Variants in TMEM98 observed in about 807,000 individuals in gnomAD.
TMEM98 encodes transmembrane protein 98.
Under a neutral mutation model 25.0 loss-of-function variants are expected in TMEM98, and 18 were observed. The ratio of observed to expected loss-of-function variants is 0.72; its 90% CI spans 0.50 to 1.07. The LOEUF (loss-of-function observed/expected upper bound fraction) is 1.07. TMEM98 is among the 50% of genes least tolerant of loss of function. TMEM98 has a pLI of 0.00. For missense variants in TMEM98, 241 were observed against 289.0 expected (o/e 0.83, Z 1.20); for synonymous variants, 103 against 112.4 (o/e 0.92, Z 0.53).
chr17:32,935,006 A>T (rs1486483561), intron 5 of TMEM98, among the ~76,000 whole-genome samples: 1 of 152,030 alleles, frequency 6.6e-6, no homozygotes, highest in African/African-American at 2.4e-5. Context: ...AGTTGCAAAT[A>T]TCAGGGTTTT....
At chr17:32,934,472 T>C (rs9915765) in intron 5 of TMEM98, 148 bp downstream of exon 5, 68,704 of 788,570 alleles carry the variant, frequency 0.087, 3,417 homozygotes, top group Non-Finnish European at 0.092. Context: ...TGTGGTTTAC[T>C]TCCCCCCCTG....
In TMEM98 at chr17:32,936,313, C is replaced by T. The variant is rs371227433; in HGVS notation, c.298-19C>T. The T allele has an allele frequency of 2.1e-5, 33 of 1,607,210 alleles. No homozygotes were observed. In the African/African-American group the frequency reaches 2.9e-4, roughly 14 times the overall value. ...TGGAGCCAGGTCAGCCCTCATCTCT[C>T]TCCTCCCTGCCGCATTAGATTTGTC... On this transcript the variant is annotated intron_variant, in intron 5 of 7. Coordinates refer to ENST00000579849, the MANE Select transcript of TMEM98 (RefSeq NM_015544.3).
rs1445805855 is a variant in TMEM98 at position 32,941,216 on chromosome 17, C to T, written c.*223C>T. On this transcript the variant is annotated 3_prime_UTR_variant, in exon 8 of 8. Transcript: ENST00000579849. The stretch of plus-strand genomic sequence containing the variant: ...CTAATACTACAGTTAGGGGAGATGC[C>T]ATTCACTCTCTGCAAGAGGAGTATT... 1 of 454,044 alleles carries T rather than the reference C, an allele frequency of 2.2e-6. No homozygotes were observed. The highest frequency in any genetic ancestry group is 3.9e-6 in the Non-Finnish European group (1 of 254,982). The allele number at this position is 454,044 out of a possible 1,614,324, so 28.1% of individuals were successfully genotyped here. A position where few individuals can be genotyped will look rare whatever the true frequency, so the allele number is the denominator to read the frequency against.
rs1032280138 is a variant in TMEM98 at position 32,943,878 on chromosome 17, A to C, written c.*2885A>C. The C allele has an allele frequency of 2.6e-5, 4 of 152,292 alleles. No individual in the cohort carries two copies. The highest frequency in any genetic ancestry group is 9.6e-5 in the African/African-American group (4 of 41,462). 9.4% of individuals were successfully genotyped at this position (152,292 alleles called of 1,614,324 possible). A position where few individuals can be genotyped will look rare whatever the true frequency, so the allele number is the denominator to read the frequency against. On this transcript the variant is annotated 3_prime_UTR_variant, in exon 8 of 8. Coordinates refer to ENST00000579849, the MANE Select transcript of TMEM98 (RefSeq NM_015544.3). ...TCAGTTACCATGGCTTGGTCCAAGCAGTGACTTCTGTTCATGGGCTCTGGA... is the reference window on the plus strand; with the variant it reads ...TCAGTTACCATGGCTTGGTCCAAGCCGTGACTTCTGTTCATGGGCTCTGGA...
chr17:32,938,403 G>T (rs551809096), intron 6 of TMEM98, among the ~76,000 whole-genome samples: 2 of 152,178 alleles, frequency 1.3e-5, no homozygotes, highest in Admixed American at 6.5e-5. Context: ...CTCCACAGCC[G>T]TGAATAAGAG....
chr17:32,936,677 TG>T (rs926262330), intron 6 of TMEM98, among the ~76,000 whole-genome samples: 1 of 152,160 alleles, frequency 6.6e-6, no homozygotes, highest in African/African-American at 2.4e-5. Context: ...GAGAGGGCTT[TG>T]GGGAAGCGCC....
chr17:32,936,904 G>A (rs908254431), intron 6 of TMEM98, among the ~76,000 whole-genome samples: 2 of 152,238 alleles, frequency 1.3e-5, no homozygotes, highest in Admixed American at 1.3e-4. Context: ...CCCTGGCCCA[G>A]GCCAGCAGCC....
At position 32,942,073 on chromosome 17, in the gene TMEM98, A is replaced by G. The variant is rs1038707403; in HGVS notation, c.*1080A>G. ...ATACATATATATAAAATATATTTAA[A>G]GACCTCTTGGAGTTCAGGCAGAAGT... On this transcript the variant is annotated 3_prime_UTR_variant, in exon 8 of 8. Coordinates refer to ENST00000579849, the MANE Select transcript of TMEM98 (RefSeq NM_015544.3). 1 of 152,216 alleles carries G rather than the reference A, an allele frequency of 6.6e-6. No homozygotes were observed. Among genetic ancestry groups the G allele is most frequent in the Non-Finnish European group, 1.5e-5 (1 of 68,050 alleles). The allele number at this position is 152,216 out of a possible 1,614,324, so 9.4% of individuals were successfully genotyped here.
chr17:32,936,876 CTG>C (rs991840993), intron 6 of TMEM98, among the ~76,000 whole-genome samples: 31 of 152,362 alleles, frequency 2.0e-4, no homozygotes, highest in African/African-American at 7.5e-4. Flanking sequence ...CCCACTCTGG[CTG>C]TGCCCACTGC....
At chr17:32,933,585 C>T (rs1348095806) in intron 4 of TMEM98, among the ~76,000 whole-genome samples, 1 of 152,180 alleles carries the variant, frequency 6.6e-6, no homozygotes, top group Non-Finnish European at 1.5e-5. Flanking sequence ...CCTTGAGTGC[C>T]CATAAATTTG....
chr17:32,931,248 C>A, intron 1 of TMEM98, 79 bp from the exon 2 acceptor site: 1 of 346,832 alleles, frequency 2.9e-6, no homozygotes, highest in Non-Finnish European at 5.2e-6. Flanking sequence ...AATTTTAGTC[C>A]AACTGGGGAG....
rs1310433188 is a variant in TMEM98, at chr17:32,931,318, TC to T, written c.-130-8del. The T allele has an allele frequency of 2.0e-6, 1 of 502,444 alleles. No homozygotes were observed. The highest frequency in any genetic ancestry group is 3.5e-5 in the East Asian group (1 of 28,764). 31.1% of individuals were successfully genotyped at this position (502,444 alleles called of 1,614,324 possible). A position where few individuals can be genotyped will look rare whatever the true frequency, so the allele number is the denominator to read the frequency against. The stretch of plus-strand genomic sequence containing the variant: ...GGCATGGCATAAATTTTACCTTGGT[TC>T]TCTTCAGGCCCTCAGGTCTCTGCAG... On this transcript the variant is annotated splice_region_variant and splice_polypyrimidine_tract_variant and intron_variant, in intron 1 of 7. Transcript: ENST00000579849.
At chr17:32,939,416 A>AG in intron 6 of TMEM98, 61 bp from the exon 7 acceptor site, 1 of 1,475,040 alleles carries the variant, frequency 6.8e-7, no homozygotes. Context: ...CAGGAAAAAA[A>AG]AAAAAAGGAG....
chr17:32,931,858 C>G (rs927055474), intron 3 of TMEM98, among the ~76,000 whole-genome samples, 199 bp downstream of exon 3: 10 of 152,172 alleles, frequency 6.6e-5, no homozygotes, highest in Non-Finnish European at 1.5e-4. Context: ...ACCTCCTTCT[C>G]TGCTTCCTGA....
intron 1 of TMEM98, among the ~76,000 whole-genome samples, chr17:32,928,876 ACACT>A (rs1042072097): frequency 2.0e-5 from 3 of 147,554 alleles, no homozygotes; most frequent in African/African-American, 2.7e-5. Context: ...CAGTTCACAC[ACACT>A]CAGAAACACA....
chr17:32,930,463 A>G (rs1156894721), intron 1 of TMEM98, among the ~76,000 whole-genome samples: 1 of 152,256 alleles, frequency 6.6e-6, no homozygotes, highest in African/African-American at 2.4e-5. Flanking sequence ...TCTATGAGAA[A>G]AAGAAATAGA....
intron 4 of TMEM98, among the ~76,000 whole-genome samples, chr17:32,933,587 A>C (rs1432284399): frequency 6.6e-6 from 1 of 152,202 alleles, no homozygotes; most frequent in African/African-American, 2.4e-5. Flanking sequence ...TTGAGTGCCC[A>C]TAAATTTGGC....
At position 32,942,954 on chromosome 17, in the gene TMEM98, A is replaced by G. The variant is rs765252524; in HGVS notation, c.*1961A>G. Reference sequence around the variant, plus strand: ...AAGTGTCCCCTGCATTTTAACCTGCACTAGAGCCCTAAGCCACAGAGAAGC... The same window carrying G: ...AAGTGTCCCCTGCATTTTAACCTGCGCTAGAGCCCTAAGCCACAGAGAAGC... On this transcript the variant is annotated 3_prime_UTR_variant, in exon 8 of 8. Coordinates refer to ENST00000579849, the MANE Select transcript of TMEM98 (RefSeq NM_015544.3). The G allele has an allele frequency of 5.3e-5, 8 of 152,216 alleles. No homozygotes were observed. Among genetic ancestry groups the G allele is most frequent in the Non-Finnish European group, 1.0e-4 (7 of 68,044 alleles). 9.4% of individuals were successfully genotyped at this position (152,216 alleles called of 1,614,324 possible).
chr17:32,934,166 C>A, intron 4 of TMEM98, 125 bp from the exon 5 acceptor site: 1 of 1,018,174 alleles, frequency 9.8e-7, no homozygotes, highest in African/African-American at 1.6e-5. Flanking sequence ...CTGAGGCATT[C>A]CCACTCTCAG....
Sources: allele counts gnomAD v4.1 joint callset (sites outside exome capture counted in the v4.1 genomes callset), GRCh38; gene constraint gnomAD v4.1.1; transcripts MANE v1.5; gene names NCBI Gene and HGNC (gene_info 2026-07-23, HGNC 2026-07-21).